Variants in CCSER1 observed in about 807,000 individuals in gnomAD.
CCSER1 encodes the protein coiled-coil serine rich protein 1, also known as serine-rich coiled-coil domain-containing protein 1.
In CCSER1, 41 loss-of-function variants were observed where a neutral mutation model predicts 82.0. The ratio of observed to expected loss-of-function variants is 0.50; its 90% confidence interval spans 0.39 to 0.65. CCSER1 has a LOEUF of 0.65. CCSER1 is among the 30% of genes least tolerant of loss of function. The pLI, the probability that CCSER1 is intolerant of heterozygous loss-of-function variation, is 0.00. For missense variants in CCSER1, 1,119 were observed against 1,064.2 expected (o/e 1.05, Z -0.72); for synonymous variants, 414 against 383.9 (o/e 1.08, Z -0.92).
At chr4:91,016,145 T>C (rs2150514165) in intron 9 of CCSER1, among the ~76,000 whole-genome samples, 1 of 152,168 alleles carries the variant, frequency 6.6e-6, no homozygotes, top group African/African-American at 2.4e-5. Flanking sequence ...AGTTTTAATG[T>C]CACTGCATTT....
chr4:90,497,155 T>G (rs991376476), intron 5 of CCSER1, among the ~76,000 whole-genome samples: 1 of 152,026 alleles, frequency 6.6e-6, no homozygotes, highest in African/African-American at 2.4e-5. Context: ...AACAACAAAC[T>G]TTTAACAACA....
chr4:91,205,251 T>C, intron 10 of CCSER1, among the ~76,000 whole-genome samples: 1 of 151,798 alleles, frequency 6.6e-6, no homozygotes, highest in Non-Finnish European at 1.5e-5. Context: ...AGCTCACAGT[T>C]TTGGTCATTA....
At chr4:90,343,295 C>A (rs78074034) in intron 3 of CCSER1, among the ~76,000 whole-genome samples, 39 of 152,262 alleles carry the variant, frequency 2.6e-4, no homozygotes, top group East Asian at 1.5e-3. Flanking sequence ...TTCTCACTGT[C>A]ATTACCTAAA....
chr4:90,489,415 AAGAAC>A (rs756941625), intron 5 of CCSER1, among the ~76,000 whole-genome samples: 2 of 152,178 alleles, frequency 1.3e-5, no homozygotes, highest in Non-Finnish European at 2.9e-5. Flanking sequence ...GACTGGGGTA[AAGAAC>A]AGAGTCTTGG....
chr4:90,735,797 G>A (rs1004491848), intron 7 of CCSER1, among the ~76,000 whole-genome samples: 6 of 151,834 alleles, frequency 4.0e-5, no homozygotes, highest in African/African-American at 1.5e-4. Context: ...TGCATTGTTA[G>A]GTTGTTTATT....
intron 10 of CCSER1, among the ~76,000 whole-genome samples, chr4:91,499,902 A>G (rs1353079774): frequency 6.6e-6 from 1 of 151,954 alleles, no homozygotes; most frequent in East Asian, 1.9e-4. Flanking sequence ...ATTACTTCCT[A>G]GTTTGGCAGT....
At position 90,308,430 on chromosome 4, in the gene CCSER1, C is replaced by A; in HGVS notation, c.146C>A (p.Thr49Asn). Residue 49 changes from threonine (T) to asparagine (N), a missense_variant, in exon 2 of 11, where the codon ACT becomes AAT. Thr to Asn is a moderately conservative substitution (Grantham distance 65). Coordinates refer to ENST00000509176, the MANE Select transcript of CCSER1 (RefSeq NM_001145065.2). ...VGVHSSSPSS[T>N]NSSSGSTGKR... ...GTCCACAGTTCCTCTCCTTCCAGCA[C>A]TAACTCAAGCTCAGGTAGCACAGGT... The A allele has an allele frequency of 6.2e-7, 1 of 1,613,864 alleles. No homozygotes were observed. The highest frequency in any genetic ancestry group is 8.5e-7 in the Non-Finnish European group (1 of 1,179,830).
At chr4:91,477,846 C>A (rs1300027198) in intron 10 of CCSER1, among the ~76,000 whole-genome samples, 1 of 151,668 alleles carries the variant, frequency 6.6e-6, no homozygotes, top group East Asian at 1.9e-4. Context: ...GCATCAAATT[C>A]TTCTTGTTGA....
chr4:91,527,929 G>GTTTT (rs895766323), intron 10 of CCSER1, among the ~76,000 whole-genome samples: 28 of 151,920 alleles, frequency 1.8e-4, no homozygotes, highest in African/African-American at 6.3e-4. Context: ...GTTTTGTTTT[G>GTTTT]TTTTTGAGAC....
At chr4:90,946,639 A>G (rs79077475) in intron 9 of CCSER1, among the ~76,000 whole-genome samples, 6,788 of 148,656 alleles carry the variant, frequency 0.046, 507 homozygotes, top group African/African-American at 0.16. Flanking sequence ...AAAAAAAAAA[A>G]AGAGATTATA....
Position 90,755,933 on chromosome 4 carries a change from A to G in CCSER1, c.2010+31942A>G, listed in dbSNP as rs74856847. Among the ~76,000 whole-genome samples the G allele has an allele frequency of 8.0e-3, 1,214 of 152,278 alleles. 13 individuals carry two copies. The highest frequency in any genetic ancestry group is 0.028 in the African/African-American group (1,165 of 41,574). On this transcript the variant is annotated intron_variant, in intron 7 of 10. Transcript: ENST00000509176. ...TTTACCTAAAAACCTAGCTTTTAAA[A>G]TGCATAAGAAGGCCAGCCACAGTCG...
chr4:90,409,902 C>T (rs1388407580), intron 4 of CCSER1, among the ~76,000 whole-genome samples: 1 of 152,212 alleles, frequency 6.6e-6, no homozygotes, highest in East Asian at 1.9e-4. Context: ...TGTGCAGAGA[C>T]ACACATAGGC....
intron 8 of CCSER1, among the ~76,000 whole-genome samples, chr4:90,861,435 C>T (rs1341461685): frequency 1.3e-5 from 2 of 151,636 alleles, no homozygotes; most frequent in Non-Finnish European, 3.0e-5. Flanking sequence ...TAGGATTATA[C>T]TTATTTTGCT....
intron 10 of CCSER1, among the ~76,000 whole-genome samples, chr4:91,138,645 A>G (rs1728714925): frequency 9.0e-6 from 1 of 111,562 alleles, no homozygotes; most frequent in Non-Finnish European, 1.8e-5. Flanking sequence ...CAGAGTGAAC[A>G]GGCAACCTAC....
intron 9 of CCSER1, among the ~76,000 whole-genome samples, chr4:91,008,774 G>A (rs1561467054): frequency 6.6e-6 from 1 of 152,184 alleles, no homozygotes; most frequent in Admixed American, 6.5e-5. Context: ...CTCCCAAGAT[G>A]TTGGCAGGCT....
intron 10 of CCSER1, among the ~76,000 whole-genome samples, chr4:91,140,028 C>A (rs559650874): frequency 9.9e-5 from 15 of 151,952 alleles, no homozygotes; most frequent in Admixed American, 9.2e-4. Context: ...TTAAATAGTT[C>A]TTTTATAGAT....
At chr4:90,663,863 A>T in intron 6 of CCSER1, 1 of 366,410 alleles carries the variant, frequency 2.7e-6, no homozygotes, top group Non-Finnish European at 5.7e-6. Context: ...GTCAAGGATG[A>T]GTGTTTCCAA....
chr4:90,460,378 T>A (rs1488450361), intron 4 of CCSER1, among the ~76,000 whole-genome samples: 1 of 141,394 alleles, frequency 7.1e-6, no homozygotes, highest in Non-Finnish European at 1.5e-5. Context: ...ATTAAATGGG[T>A]CAAAAATATG....
At chr4:90,303,906 A>G (rs1469424776) in intron 1 of CCSER1, among the ~76,000 whole-genome samples, 1 of 151,980 alleles carries the variant, frequency 6.6e-6, no homozygotes, top group African/African-American at 2.4e-5. Context: ...TACTCATCTG[A>G]CAAAGGGCTA....
Sources: gnomAD v4.1 joint callset for allele counts (sites outside exome capture counted in the v4.1 genomes callset) on GRCh38, gnomAD v4.1.1 for gene constraint, MANE v1.5 for transcripts, NCBI Gene and HGNC (gene_info 2026-07-23, HGNC 2026-07-21) for gene names.